The following INPP4B variants were observed in gnomAD, a reference collection of about 807,000 sequenced individuals.
INPP4B encodes the protein inositol polyphosphate 4-phosphatase type II.
INPP4B carries 55 observed loss-of-function variants against 122.5 expected under a neutral mutation model. The ratio of observed to expected loss-of-function variants is 0.45; its 90% CI spans 0.36 to 0.56. The LOEUF is 0.56. INPP4B is among the 20% of genes least tolerant of loss of function. INPP4B has a pLI of 0.00. For synonymous variants in INPP4B, 403 were observed against 388.7 expected (o/e 1.04, Z -0.43); for missense variants, 1,000 against 1,097.7 (o/e 0.91, Z 1.26).
chr4:142,079,049 T>C (rs1368882055), intron 25 of INPP4B, among the ~76,000 whole-genome samples: 36 of 152,152 alleles, frequency 2.4e-4, no homozygotes, highest in Non-Finnish European at 2.9e-5. Context: ...TTATAATCCA[T>C]GTGAGGTCTA....
intron 14 of INPP4B, among the ~76,000 whole-genome samples, chr4:142,201,098 G>A (rs774264981): frequency 9.9e-5 from 15 of 151,952 alleles, no homozygotes; most frequent in Non-Finnish European, 1.9e-4. Context: ...TTACACTTCA[G>A]GTCTTCAAAA....
chr4:142,289,862 T>C (rs1755583218), intron 9 of INPP4B, among the ~76,000 whole-genome samples: 2 of 152,196 alleles, frequency 1.3e-5, no homozygotes, highest in Non-Finnish European at 2.9e-5. Flanking sequence ...CCTCCCTTTC[T>C]CTGAAATCTC....
chr4:142,382,297 T>C (rs1235616190), intron 7 of INPP4B, among the ~76,000 whole-genome samples: 4 of 151,800 alleles, frequency 2.6e-5, no homozygotes, highest in Non-Finnish European at 5.9e-5. Context: ...TCACCTGAGA[T>C]CAGGAGTTCA....
intron 17 of INPP4B, 82 bp from the exon 18 acceptor site, chr4:142,146,078 G>A (rs1187889383): frequency 6.8e-7 from 1 of 1,460,688 alleles, no homozygotes; most frequent in Non-Finnish European, 9.4e-7. Context: ...TTTTAGAGAA[G>A]CATTTGGAAG....
intron 14 of INPP4B, among the ~76,000 whole-genome samples, chr4:142,201,543 C>T (rs1399846428): frequency 6.6e-6 from 1 of 151,984 alleles, no homozygotes; most frequent in African/African-American, 2.4e-5. Flanking sequence ...ATAGATTGAT[C>T]TATGTATACC....
chr4:142,077,024 T>C (rs1304378977), intron 25 of INPP4B, among the ~76,000 whole-genome samples: 2 of 152,036 alleles, frequency 1.3e-5, no homozygotes, highest in South Asian at 2.1e-4. Flanking sequence ...ATCAATTGGT[T>C]AAGAGTCATT....
chr4:142,066,528 T>C (rs900298867), intron 25 of INPP4B, among the ~76,000 whole-genome samples: 3 of 152,178 alleles, frequency 2.0e-5, no homozygotes, highest in Non-Finnish European at 2.9e-5. Flanking sequence ...TCTTGGATGA[T>C]GCTGATGCTG....
intron 14 of INPP4B, among the ~76,000 whole-genome samples, chr4:142,198,477 CT>C (rs1372240095): frequency 6.6e-6 from 1 of 151,508 alleles, no homozygotes; most frequent in African/African-American, 2.4e-5. Flanking sequence ...AAAAAGAATA[CT>C]TTTTTCTTAA....
chr4:142,753,934 T>C (rs921819011), intron 1 of INPP4B, among the ~76,000 whole-genome samples: 14 of 152,154 alleles, frequency 9.2e-5, no homozygotes, highest in African/African-American at 3.4e-4. Flanking sequence ...CTCCTTCTAC[T>C]TTCTTTCATT....
rs555547984 is a variant in INPP4B, at chr4:142,674,996, T to A, written c.-191+50843A>T. ...TTCAAAAGCTAGTGGAAGACAAGAA[T>A]AACTAACATCAGAGCAGAACTGAAG... On this transcript the variant is annotated intron_variant, in intron 2 of 25. Coordinates refer to ENST00000262992, the MANE Select transcript of INPP4B (RefSeq NM_001101669.3). Among the ~76,000 whole-genome samples the A allele has an allele frequency of 5.4e-4, 82 of 152,070 alleles. 1 individual carries two copies. Among genetic ancestry groups the A allele is most frequent in the African/African-American group, 1.8e-3 (75 of 41,478 alleles).
intron 2 of INPP4B, among the ~76,000 whole-genome samples, chr4:142,641,496 A>C (rs1239097888): frequency 6.9e-6 from 1 of 144,696 alleles, no homozygotes; most frequent in Non-Finnish European, 1.5e-5. Context: ...TTCAGTTCCC[A>C]GCTATCAGTG....
chr4:142,122,080 A>T (rs779504851), intron 21 of INPP4B, 48 bp downstream of exon 21: 3 of 1,194,190 alleles, frequency 2.5e-6, no homozygotes, highest in African/African-American at 1.5e-5. Context: ...AGGAGTTAAC[A>T]CGACATGTCT....
At chr4:142,407,421 T>G (rs960058183) in intron 5 of INPP4B, among the ~76,000 whole-genome samples, 23 of 152,164 alleles carry the variant, frequency 1.5e-4, no homozygotes, top group African/African-American at 5.1e-4. Flanking sequence ...GCTGTGGTTA[T>G]TTCCCAGAAA....
chr4:142,391,289 G>C (rs925356308), intron 7 of INPP4B, among the ~76,000 whole-genome samples: 7 of 152,198 alleles, frequency 4.6e-5, no homozygotes, highest in African/African-American at 1.7e-4. Flanking sequence ...TGGGCATGGT[G>C]GCTCATGCCT....
intron 6 of INPP4B, among the ~76,000 whole-genome samples, chr4:142,403,752 T>C (rs1802414100): frequency 6.6e-6 from 1 of 152,184 alleles, no homozygotes; most frequent in Non-Finnish European, 1.5e-5. Context: ...ATAAACTAAT[T>C]GTCTATGGAA....
At chr4:142,513,593 A>G (rs753513786) in intron 2 of INPP4B, among the ~76,000 whole-genome samples, 14 of 152,066 alleles carry the variant, frequency 9.2e-5, no homozygotes, top group Non-Finnish European at 1.6e-4. Flanking sequence ...TTTTTGGTAG[A>G]GACAGGGTTT....
At chr4:142,681,181 G>A (rs1367320032) in intron 2 of INPP4B, among the ~76,000 whole-genome samples, 1 of 151,658 alleles carries the variant, frequency 6.6e-6, no homozygotes, top group Non-Finnish European at 1.5e-5. Context: ...TATTCTTATT[G>A]ACTGTAATTG....
intron 7 of INPP4B, among the ~76,000 whole-genome samples, chr4:142,401,397 A>G (rs1275684344): frequency 6.6e-6 from 1 of 152,218 alleles, no homozygotes; most frequent in African/African-American, 2.4e-5. Context: ...GGAAAAGACA[A>G]AACTCCCAGG....
intron 1 of INPP4B, among the ~76,000 whole-genome samples, chr4:142,831,081 A>T (rs967828446): frequency 6.6e-6 from 1 of 152,120 alleles, no homozygotes; most frequent in Non-Finnish European, 1.5e-5. Context: ...GGGTTATTAA[A>T]GAACTGCTTT....
Sources: gnomAD v4.1 joint callset for allele counts (sites outside exome capture counted in the v4.1 genomes callset) on GRCh38, gnomAD v4.1.1 for gene constraint, MANE v1.5 for transcripts, NCBI Gene and HGNC (gene_info 2026-07-23, HGNC 2026-07-21) for gene names.